PCDH15: variants seen among roughly 807,000 people sequenced by gnomAD.
PCDH15 encodes the protein protocadherin-15.
Under a neutral mutation model 178.5 loss-of-function variants are expected in PCDH15, and 129 were observed. The observed-to-expected ratio is 0.72, with a 90% confidence interval of 0.63 to 0.84. The LOEUF (loss-of-function observed/expected upper bound fraction) is 0.84, where lower values mean the gene tolerates loss of function less well. Among genes scored for constraint, PCDH15 ranks in the 40% least tolerant of loss-of-function variants. The probability of loss-of-function intolerance (pLI) is 0.00; values close to 1 mark genes in which losing one functional copy is unlikely to be tolerated. For synonymous variants in PCDH15, 800 were observed against 732.0 expected (o/e 1.09, Z -1.50); for missense variants, 2,230 against 2,099.9 (o/e 1.06, Z -1.21).
At chr10:54,333,313 G>A (rs1172183330) in intron 6 of PCDH15, among the ~76,000 whole-genome samples, 2 of 151,838 alleles carry the variant, frequency 1.3e-5, no homozygotes, top group African/African-American at 4.8e-5. Context: ...TATCATCAAT[G>A]GTGCTTCTGA....
At chr10:54,200,740 AC>A (rs933623511) in intron 10 of PCDH15, among the ~76,000 whole-genome samples, 3 of 151,808 alleles carry the variant, frequency 2.0e-5, no homozygotes, top group Non-Finnish European at 4.4e-5. Flanking sequence ...CTATTTTACT[AC>A]CCATTTTTTC....
At chr10:54,073,381 A>C (rs1469286072) in intron 17 of PCDH15, among the ~76,000 whole-genome samples, 1 of 152,102 alleles carries the variant, frequency 6.6e-6, no homozygotes, top group Admixed American at 6.6e-5. Context: ...GTGTTCTAAA[A>C]TATTAAATCA....
intron 1 of PCDH15, among the ~76,000 whole-genome samples, chr10:55,251,996 T>C: frequency 6.6e-6 from 1 of 152,300 alleles, no homozygotes; most frequent in East Asian, 1.9e-4. Flanking sequence ...CTGATATATT[T>C]CTGCTCCTAT....
chr10:54,686,041 A>ATTTTTTTTTTTTTTTTTTTTTTT (rs66539612), intron 1 of PCDH15, among the ~76,000 whole-genome samples: 8 of 126,880 alleles, frequency 6.3e-5, no homozygotes, highest in Non-Finnish European at 9.7e-5. Context: ...AAGACAGCCA[A>ATTTTTTTTTTTTTTTTTTTTTTT]TTTTTTTTTT....
At chr10:55,376,911 G>A (rs1025010265) in intron 2 of PCDH15, among the ~76,000 whole-genome samples, 4 of 151,872 alleles carry the variant, frequency 2.6e-5, no homozygotes, top group Non-Finnish European at 2.9e-5. Context: ...GAATAGTCTA[G>A]GCAAGAATGT....
At chr10:54,535,506 C>T (rs1223084218) in intron 2 of PCDH15, among the ~76,000 whole-genome samples, 10 of 151,750 alleles carry the variant, frequency 6.6e-5, no homozygotes, top group Admixed American at 2.6e-4. Context: ...GTCAGGAGAT[C>T]GAGACCATCC....
intron 8 of PCDH15, among the ~76,000 whole-genome samples, chr10:54,292,237 T>G (rs983060007): frequency 2.6e-5 from 4 of 152,134 alleles, no homozygotes; most frequent in Non-Finnish European, 5.9e-5. Flanking sequence ...ATTATCTCAA[T>G]AGATGCAGAA....
intron 13 of PCDH15, among the ~76,000 whole-genome samples, chr10:54,168,467 T>C (rs933454779): frequency 6.6e-5 from 10 of 152,102 alleles, no homozygotes; most frequent in African/African-American, 2.4e-4. Context: ...GTCCCAATTC[T>C]TCCTCAGCCT....
At chr10:55,077,682 T>G (rs753869275) in intron 2 of PCDH15, among the ~76,000 whole-genome samples, 1 of 152,044 alleles carries the variant, frequency 6.6e-6, no homozygotes, top group Non-Finnish European at 1.5e-5. Context: ...CCCGAGTAGC[T>G]GGTATTAAAG....
chr10:54,546,212 T>C (rs2085836127), intron 2 of PCDH15, among the ~76,000 whole-genome samples: 1 of 152,212 alleles, frequency 6.6e-6, no homozygotes, highest in Non-Finnish European at 1.5e-5. Context: ...GTAAATTCAT[T>C]ACAGATGAAA....
rs184980383 is a variant in PCDH15, at chr10:54,200,881, A to C, written c.1099-4992T>G. 2.8e-3 allele frequency among the ~76,000 whole-genome samples: 420 copies of C among 152,252 alleles called. 1 individual carries two copies. Among genetic ancestry groups the C allele is most frequent in the African/African-American group, 9.5e-3 (396 of 41,546 alleles). ...TCTAGTCTAATCTCACACCTTAAAA[A>C]TGTCAGTACTATTATGACTCCTAAT... On this transcript the variant is annotated intron_variant, in intron 10 of 37. Transcript: ENST00000644397.
chr10:55,004,456 A>T (rs1388896477), intron 2 of PCDH15, among the ~76,000 whole-genome samples: 1 of 152,134 alleles, frequency 6.6e-6, no homozygotes, highest in Admixed American at 6.6e-5. Context: ...CTTTCTCAGG[A>T]AATCAACCAC....
At chr10:55,375,209 A>T (rs1362495517) in intron 2 of PCDH15, among the ~76,000 whole-genome samples, 2 of 152,170 alleles carry the variant, frequency 1.3e-5, no homozygotes, top group Admixed American at 6.5e-5. Context: ...CCAAAAAAGC[A>T]TTCAATATGT....
intron 3 of PCDH15, among the ~76,000 whole-genome samples, chr10:54,852,084 C>T (rs1254287885): frequency 2.6e-5 from 4 of 152,028 alleles, no homozygotes; most frequent in Non-Finnish European, 4.4e-5. Context: ...TTATTATTTT[C>T]CAAAGCTCTG....
intron 8 of PCDH15, among the ~76,000 whole-genome samples, chr10:54,242,181 T>TACACAC (rs1564770015): frequency 3.6e-5 from 3 of 82,872 alleles, no homozygotes; most frequent in African/African-American, 1.7e-4. Context: ...TATATATATA[T>TACACAC]ATATATACAC....
intron 3 of PCDH15, among the ~76,000 whole-genome samples, chr10:54,467,101 G>T (rs953819491): frequency 2.0e-5 from 3 of 151,834 alleles, no homozygotes; most frequent in Non-Finnish European, 4.4e-5. Context: ...CATCTGCAAA[G>T]AGGAAAAATT....
At chr10:54,899,802 A>T (rs1435145427) in intron 2 of PCDH15, among the ~76,000 whole-genome samples, 1 of 152,058 alleles carries the variant, frequency 6.6e-6, no homozygotes, top group Admixed American at 6.6e-5. Flanking sequence ...ACCAAAGATT[A>T]TATCTTTCTA....
intron 2 of PCDH15, among the ~76,000 whole-genome samples, chr10:55,428,578 C>T (rs1268745850): frequency 2.0e-5 from 3 of 151,700 alleles, no homozygotes; most frequent in Admixed American, 2.0e-4. Context: ...ATCTATCTAT[C>T]TATCTATCTA....
chr10:53,807,608 G>A (rs1021828509), intron 37 of PCDH15, among the ~76,000 whole-genome samples: 2 of 151,932 alleles, frequency 1.3e-5, no homozygotes, highest in African/African-American at 2.4e-5. Flanking sequence ...TCTAGTTAGC[G>A]AAAACTTTTG....
Sources: allele counts gnomAD v4.1 joint callset (sites outside exome capture counted in the v4.1 genomes callset), GRCh38; gene constraint gnomAD v4.1.1; transcripts MANE v1.5; gene names NCBI Gene and HGNC (gene_info 2026-07-23, HGNC 2026-07-21).